Variants in FAT3 observed in about 807,000 individuals in gnomAD.
The protein encoded by FAT3 is protocadherin Fat 3.
A neutral mutation model predicts 310.2 loss-of-function variants in FAT3; 95 were observed. That is an observed-to-expected ratio of 0.31 (90% CI 0.26 to 0.36). The LOEUF (loss-of-function observed/expected upper bound fraction) is 0.36. Among genes scored for constraint, FAT3 ranks in the 10% least tolerant of loss-of-function variants. The pLI, the probability that FAT3 is intolerant of heterozygous loss-of-function variation, is 1.00. For synonymous variants in FAT3, 2,314 were observed against 2,192.9 expected, an observed-to-expected ratio of 1.06 and a Z score of -1.54; for missense variants, 5,408 against 5,715.6, an observed-to-expected ratio of 0.95 and a Z score of 1.74.
At chr11:92,846,964 G>A (rs1410943477) in intron 19 of FAT3, among the ~76,000 whole-genome samples, 2 of 152,308 alleles carry the variant, frequency 1.3e-5, no homozygotes, top group East Asian at 1.9e-4. Flanking sequence ...GATAATCTTT[G>A]TTTTATAGAT....
At chr11:92,309,377 C>T (rs1377884936) in intron 1 of FAT3, among the ~76,000 whole-genome samples, 2 of 51,868 alleles carry the variant, frequency 3.9e-5, no homozygotes, top group African/African-American at 2.2e-4. Flanking sequence ...CTTTTACACA[C>T]ACGCATGCAC....
intron 7 of FAT3, among the ~76,000 whole-genome samples, chr11:92,782,237 G>C (rs865970263): frequency 2.0e-5 from 3 of 152,084 alleles, no homozygotes; most frequent in Non-Finnish European, 4.4e-5. Context: ...GAGGCAGAAG[G>C]ATCACTTGAG....
chr11:92,596,716 C>T (rs1939726228), intron 3 of FAT3, among the ~76,000 whole-genome samples: 1 of 152,184 alleles, frequency 6.6e-6, no homozygotes, highest in Non-Finnish European at 1.5e-5. Context: ...CTCTGTCAGG[C>T]TTCAATTTTG....
intron 3 of FAT3, among the ~76,000 whole-genome samples, chr11:92,567,878 C>G (rs1955522471): frequency 9.6e-6 from 1 of 104,436 alleles, no homozygotes; most frequent in African/African-American, 3.8e-5. Context: ...ACATCACACT[C>G]TGGGGACTGT....
At chr11:92,787,641 A>G (rs1946928049) in intron 7 of FAT3, among the ~76,000 whole-genome samples, 1 of 151,056 alleles carries the variant, frequency 6.6e-6, no homozygotes, top group Admixed American at 6.6e-5. Context: ...AATTGCAATT[A>G]TTTATCCAAC....
chr11:92,772,318 G>T (rs1173523754), intron 6 of FAT3, among the ~76,000 whole-genome samples: 1 of 151,954 alleles, frequency 6.6e-6, no homozygotes, highest in African/African-American at 2.4e-5. Context: ...AGTTTCCATG[G>T]CAAATTTTTT....
intron 4 of FAT3, among the ~76,000 whole-genome samples, chr11:92,730,971 T>C (rs1011743667): frequency 6.6e-6 from 1 of 152,224 alleles, no homozygotes; most frequent in Non-Finnish European, 1.5e-5. Flanking sequence ...CCCTTCATTA[T>C]GAAATCGGGG....
At chr11:92,234,765 G>A (rs1864343811) in intron 1 of FAT3, among the ~76,000 whole-genome samples, 2 of 152,132 alleles carry the variant, frequency 1.3e-5, no homozygotes, top group South Asian at 4.2e-4. Context: ...AGCCAGGTGT[G>A]GTGGTGGGTG....
At position 92,493,481 on chromosome 11, in the gene FAT3, G is replaced by A. The variant is rs149936989; in HGVS notation, c.3293-31153G>A. Among the ~76,000 whole-genome samples the A allele has an allele frequency of 5.0e-4, 76 of 152,142 alleles. No individual in the cohort carries two copies. In the East Asian group the frequency reaches 0.013, roughly 27 times the overall value. ...TCTTTTGTTATTTTCACAGACACCTGCACGGCTTGCTGTGCTTTGAATACA... is the reference window on the plus strand; with the variant it reads ...TCTTTTGTTATTTTCACAGACACCTACACGGCTTGCTGTGCTTTGAATACA... On this transcript the variant is annotated intron_variant, in intron 2 of 27. Transcript: ENST00000525166.
chr11:92,743,002 G>T (rs1292544293), intron 4 of FAT3, among the ~76,000 whole-genome samples: 1 of 152,178 alleles, frequency 6.6e-6, no homozygotes, highest in Non-Finnish European at 1.5e-5. Flanking sequence ...TGTTAATACT[G>T]AAGAGTATGC....
At chr11:92,492,427 C>A (rs1038738950) in intron 2 of FAT3, among the ~76,000 whole-genome samples, 1 of 151,980 alleles carries the variant, frequency 6.6e-6, no homozygotes, top group Non-Finnish European at 1.5e-5. Flanking sequence ...AAATGGAGAT[C>A]ATAATAATTA....
chr11:92,529,503 A>T (rs1415044099), intron 3 of FAT3, among the ~76,000 whole-genome samples: 1 of 152,116 alleles, frequency 6.6e-6, no homozygotes, highest in Non-Finnish European at 1.5e-5. Context: ...TCTGAGTTTG[A>T]TAATAGTTAA....
At chr11:92,248,895 G>A (rs765895015) in intron 1 of FAT3, among the ~76,000 whole-genome samples, 3 of 152,070 alleles carry the variant, frequency 2.0e-5, no homozygotes, top group Non-Finnish European at 4.4e-5. Flanking sequence ...GAACTTTAGG[G>A]CTGGAAGAAA....
chr11:92,534,949 G>A (rs1303995808), intron 3 of FAT3, among the ~76,000 whole-genome samples: 1 of 152,150 alleles, frequency 6.6e-6, no homozygotes, highest in African/African-American at 2.4e-5. Flanking sequence ...TGGACCAAGA[G>A]CGTATATCCT....
chr11:92,843,154 C>T (rs1360445403), intron 18 of FAT3, among the ~76,000 whole-genome samples: 1 of 152,184 alleles, frequency 6.6e-6, no homozygotes. Context: ...GATGCCCAGG[C>T]ACCGGCTCTT....
chr11:92,463,486 A>G (rs768677056), intron 2 of FAT3, among the ~76,000 whole-genome samples: 4 of 152,198 alleles, frequency 2.6e-5, no homozygotes, highest in Non-Finnish European at 5.9e-5. Flanking sequence ...GAATACTACT[A>G]GAATCTACCT....
At chr11:92,830,408 T>A (rs1948214471) in intron 13 of FAT3, among the ~76,000 whole-genome samples, 1 of 152,238 alleles carries the variant, frequency 6.6e-6, no homozygotes, top group South Asian at 2.1e-4. Flanking sequence ...TTTCTTGAAA[T>A]CGTAGAGCAG....
At chr11:92,804,417 G>GC (rs923899048) in intron 10 of FAT3, among the ~76,000 whole-genome samples, 1 of 151,782 alleles carries the variant, frequency 6.6e-6, no homozygotes, top group Non-Finnish European at 1.5e-5. Flanking sequence ...AGCTGCTTTT[G>GC]CCCCCATGTA....
chr11:92,671,120 C>T (rs1377081149), intron 3 of FAT3, among the ~76,000 whole-genome samples: 3 of 151,934 alleles, frequency 2.0e-5, no homozygotes, highest in Non-Finnish European at 4.4e-5. Flanking sequence ...TCTCTGCTCA[C>T]TACAACCTCC....
Sources: allele counts gnomAD v4.1 joint callset (sites outside exome capture counted in the v4.1 genomes callset), GRCh38; gene constraint gnomAD v4.1.1; transcripts MANE v1.5; gene names NCBI Gene and HGNC (gene_info 2026-07-23, HGNC 2026-07-21).